The following ADIPOR2 variants were observed in gnomAD, a reference collection of about 807,000 sequenced individuals.
ADIPOR2 encodes adiponectin receptor protein 2.
A neutral mutation model predicts 40.9 loss-of-function variants in ADIPOR2; 18 were observed. That is an observed-to-expected ratio of 0.44 (90% confidence interval 0.30 to 0.65). The LOEUF is 0.65. Ranked by LOEUF, ADIPOR2 falls within the 30% of genes least tolerant of loss-of-function variation. The probability of loss-of-function intolerance (pLI) is 0.09; values close to 1 mark genes in which losing one functional copy is unlikely to be tolerated. For missense variants in ADIPOR2, 283 were observed against 479.2 expected, an observed-to-expected ratio of 0.59 and a Z score of 3.82; for synonymous variants, 165 against 166.4, an observed-to-expected ratio of 0.99 and a Z score of 0.06.
Position 1,720,897 on chromosome 12 carries a change from T to C in ADIPOR2, c.-87+29706T>C, listed in dbSNP as rs2094696571. 2.6e-5 allele frequency among the ~76,000 whole-genome samples: 4 copies of C among 152,336 alleles called. No homozygotes were observed. The South Asian group carries it at 8.3e-4, about 32-fold the overall frequency. ...TCCATTCTATTCAAAATCATCCCTC[T>C]GCTCACTGAGATAGATACATATCTG... On this transcript the variant is annotated intron_variant, in intron 1 of 7. Transcript: ENST00000357103.
intron 1 of ADIPOR2, among the ~76,000 whole-genome samples, chr12:1,734,300 A>C (rs1372889218): frequency 1.1e-4 from 17 of 152,138 alleles, no homozygotes; most frequent in Non-Finnish European, 2.2e-4. Flanking sequence ...AATGATTGCC[A>C]TTCTAACTGG....
At chr12:1,740,937 G>GA (rs1217577148) in intron 1 of ADIPOR2, among the ~76,000 whole-genome samples, 1 of 152,222 alleles carries the variant, frequency 6.6e-6, no homozygotes, top group Non-Finnish European at 1.5e-5. Context: ...GGGGCTTCCT[G>GA]AAAAGGTGAC....
intron 1 of ADIPOR2, among the ~76,000 whole-genome samples, chr12:1,744,004 T>C (rs893592958): frequency 6.6e-6 from 1 of 152,196 alleles, no homozygotes; most frequent in African/African-American, 2.4e-5. Flanking sequence ...CAAATTTATG[T>C]TGGATAGAGG....
chr12:1,713,960 G>T (rs550248849), intron 1 of ADIPOR2, among the ~76,000 whole-genome samples: 1 of 152,150 alleles, frequency 6.6e-6, no homozygotes, highest in African/African-American at 2.4e-5. Flanking sequence ...AACATACCCG[G>T]GGTTCAGTGA....
At chr12:1,711,229 C>G (rs12312878) in intron 1 of ADIPOR2, among the ~76,000 whole-genome samples, 1 of 152,128 alleles carries the variant, frequency 6.6e-6, no homozygotes, top group Non-Finnish European at 1.5e-5. Context: ...TTTGTTATTT[C>G]TTGCAAGCTG....
intron 1 of ADIPOR2, among the ~76,000 whole-genome samples, chr12:1,748,500 G>T (rs570094697): frequency 2.0e-5 from 3 of 151,984 alleles, no homozygotes; most frequent in Admixed American, 6.6e-5. Flanking sequence ...TGCCCACCTC[G>T]GCCTCCCAAA....
At chr12:1,730,760 C>T (rs544769616) in intron 1 of ADIPOR2, 1 of 152,186 alleles carries the variant, frequency 6.6e-6, no homozygotes, top group East Asian at 1.9e-4. Context: ...TCATTAGCAC[C>T]TCTACTAAGA....
chr12:1,758,007 G>A (rs374700029), intron 2 of ADIPOR2: 71 of 889,246 alleles, frequency 8.0e-5, no homozygotes, highest in African/African-American at 6.9e-4. Context: ...GGGACCACGC[G>A]CCATGGCTGC....
intron 5 of ADIPOR2, 68 bp downstream of exon 5, chr12:1,780,705 G>A: frequency 7.0e-7 from 1 of 1,430,128 alleles, no homozygotes; most frequent in Non-Finnish European, 9.3e-7. Context: ...AAAACATTCA[G>A]CAGAGTTGGC....
chr12:1,703,345 G>T (rs999016415), intron 1 of ADIPOR2, among the ~76,000 whole-genome samples: 1 of 152,154 alleles, frequency 6.6e-6, no homozygotes, highest in Non-Finnish European at 1.5e-5. Context: ...ATATAGAAGG[G>T]TCTGAAAATA....
intron 1 of ADIPOR2, among the ~76,000 whole-genome samples, chr12:1,695,024 TTTTG>T (rs2094635282): frequency 6.9e-6 from 1 of 144,486 alleles, no homozygotes; most frequent in Non-Finnish European, 1.5e-5. Flanking sequence ...TTTTTTTTTT[TTTTG>T]TTTTGTTTTT....
At chr12:1,711,680 CTG>C (rs2094677519) in intron 1 of ADIPOR2, among the ~76,000 whole-genome samples, 2 of 151,910 alleles carry the variant, frequency 1.3e-5, no homozygotes, top group Non-Finnish European at 2.9e-5. Context: ...CTTCCTCTCT[CTG>C]TTTCTCTCTT....
intron 1 of ADIPOR2, among the ~76,000 whole-genome samples, chr12:1,703,460 G>A (rs1387126005): frequency 6.6e-6 from 1 of 152,130 alleles, no homozygotes; most frequent in African/African-American, 2.4e-5. Flanking sequence ...ATTTGGCTGG[G>A]TGTGGTGGCT....
At chr12:1,761,012 A>T (rs1295081995) in intron 2 of ADIPOR2, 3 of 152,128 alleles carry the variant, frequency 2.0e-5, no homozygotes, top group Non-Finnish European at 4.4e-5. Context: ...ATTTTGAGTG[A>T]GAGAGAGAGC....
rs1027918229 is a variant in ADIPOR2 at position 1,777,873 on chromosome 12, G to A, written c.311G>A (p.Arg104Gln). ...TGCCAGGTATGGGAAGGTCGGTGGC[G>A]AGTGATCCCTCATGATGTACTACCA... ...FVCKVWEGRWRVIPHDVLPDW... is the reference protein window; with the variant it reads ...FVCKVWEGRWQVIPHDVLPDW... Residue 104 changes from arginine to glutamine, a missense_variant, in exon 4 of 8, where the codon CGA (arginine) becomes CAA (glutamine). By Grantham distance (43) the Arg-to-Gln change is conservative. This residue lies in a region of ADIPOR2 where 112 missense variants were observed against 249.5 expected (regional missense o/e 0.45). Coordinates refer to ENST00000357103, the MANE Select transcript of ADIPOR2 (RefSeq NM_024551.3). 6.2e-7 allele frequency: 1 copy of A among 1,611,686 alleles called. No individual in the cohort carries two copies. Among genetic ancestry groups the A allele is most frequent in the Non-Finnish European group, 8.5e-7 (1 of 1,179,150 alleles).
intron 1 of ADIPOR2, among the ~76,000 whole-genome samples, chr12:1,735,208 T>A (rs1221178766): frequency 6.6e-6 from 1 of 152,240 alleles, no homozygotes; most frequent in Non-Finnish European, 1.5e-5. Flanking sequence ...TTCACGATAC[T>A]GATTCTTCCT....
intron 1 of ADIPOR2, among the ~76,000 whole-genome samples, chr12:1,748,646 CTATG>C (rs1438248655): frequency 6.6e-6 from 1 of 151,544 alleles, no homozygotes; most frequent in Non-Finnish European, 1.5e-5. Context: ...AGTTTTTTGT[CTATG>C]GATGTTCAAT....
At chr12:1,727,843 C>T (rs1425464186) in intron 1 of ADIPOR2, among the ~76,000 whole-genome samples, 1 of 148,920 alleles carries the variant, frequency 6.7e-6, no homozygotes, top group African/African-American at 2.5e-5. Context: ...TGCCCGTGCA[C>T]ACAGGAACAC....
chr12:1,785,346 C>T (rs890457523), intron 7 of ADIPOR2, among the ~76,000 whole-genome samples: 3 of 152,152 alleles, frequency 2.0e-5, no homozygotes, highest in African/African-American at 7.2e-5. Context: ...GGCCTGTTTG[C>T]TTAGTTTTTG....
Sources: gnomAD v4.1 joint callset for allele counts (sites outside exome capture counted in the v4.1 genomes callset) on GRCh38, gnomAD v4.1.1 for gene constraint, gnomAD v4.1.1 regional missense constraint, MANE v1.5 for transcripts, NCBI Gene and HGNC (gene_info 2026-07-23, HGNC 2026-07-21) for gene names.